Variants in MYO1E observed in about 807,000 individuals in gnomAD.
MYO1E encodes the protein myosin IE.
MYO1E carries 68 observed loss-of-function variants against 151.1 expected under a neutral mutation model. The ratio of observed to expected loss-of-function variants is 0.45; its 90% CI spans 0.37 to 0.55. The LOEUF (loss-of-function observed/expected upper bound fraction) is 0.55, where lower values mean the gene tolerates loss of function less well. Ranked by LOEUF, MYO1E falls within the 20% of genes least tolerant of loss-of-function variation. The pLI, the probability that MYO1E is intolerant of heterozygous loss-of-function variation, is 0.00. For missense variants in MYO1E, 1,363 were observed against 1,389.3 expected, an observed-to-expected ratio of 0.98 and a Z score of 0.30; for synonymous variants, 601 against 501.7, an observed-to-expected ratio of 1.20 and a Z score of -2.64.
chr15:59,336,479 T>G (rs1257002100), intron 1 of MYO1E, among the ~76,000 whole-genome samples: 1 of 152,204 alleles, frequency 6.6e-6, no homozygotes, highest in African/African-American at 2.4e-5. Flanking sequence ...CATAAGTAAC[T>G]TTTATTTTTA....
chr15:59,164,115 G>T (rs148212795), intron 22 of MYO1E, among the ~76,000 whole-genome samples: 1 of 152,194 alleles, frequency 6.6e-6, no homozygotes, highest in Non-Finnish European at 1.5e-5. Flanking sequence ...ACGCTTGCTG[G>T]TCAGGGGAGG....
chr15:59,361,294 T>C (rs147530885), intron 1 of MYO1E, among the ~76,000 whole-genome samples: 1 of 152,348 alleles, frequency 6.6e-6, no homozygotes, highest in East Asian at 1.9e-4. Context: ...ACATTTATTA[T>C]TTAAGTTACT....
intron 4 of MYO1E, among the ~76,000 whole-genome samples, chr15:59,237,330 C>A (rs75655494): frequency 0.033 from 4,954 of 152,230 alleles, 89 homozygotes; most frequent in African/African-American, 0.044. Flanking sequence ...TAAAATTAAA[C>A]CTTGAAGCAA....
chr15:59,231,737 C>A lies in MYO1E; in HGVS notation c.475G>T (p.Ala159Ser). ...SNPLLEAFGNAKTVRNNNSSR... is the reference protein window; with the variant it reads ...SNPLLEAFGNSKTVRNNNSSR... ...GAGTTGTTGTTCCGGACGGTCTTGG[C>A]GTTCCCGAAGGCCTCCAGCAGCGGG... is the stretch of plus-strand genomic sequence containing the variant. Residue 159 changes from alanine to serine, a missense_variant, in exon 6 of 28, where the codon GCC becomes TCC. Physicochemically the swap from Ala to Ser is moderately conservative, Grantham distance 99. Transcript: ENST00000288235. The A allele has an allele frequency of 6.2e-7, 1 of 1,614,122 alleles. No individual in the cohort carries two copies. Among genetic ancestry groups the A allele is most frequent in the Non-Finnish European group, 8.5e-7 (1 of 1,180,000 alleles).
chr15:59,251,167 T>C (rs80328352), intron 4 of MYO1E, among the ~76,000 whole-genome samples: 2,513 of 152,276 alleles, frequency 0.017, 61 homozygotes, highest in African/African-American at 0.057. Flanking sequence ...AACAGAAGCA[T>C]TTCCTATTAA....
At chr15:59,217,797 G>A in intron 10 of MYO1E, 94 bp downstream of exon 10, 1 of 1,404,688 alleles carries the variant, frequency 7.1e-7, no homozygotes, top group East Asian at 2.3e-5. Context: ...CAAAGTACTG[G>A]GATTACAGGT....
chr15:59,216,666 GTATATATA>G (rs368761394), intron 10 of MYO1E, among the ~76,000 whole-genome samples: 399 of 30,896 alleles, frequency 0.013, 39 homozygotes, highest in African/African-American at 0.04. Context: ...GTGTGTATGT[GTATATATA>G]TATATATATA....
rs2080956589 is a variant in MYO1E, at chr15:59,372,786, C to A, written c.-286G>T. The A allele has an allele frequency of 1.9e-6, 1 of 521,356 alleles. No homozygotes were observed. Among genetic ancestry groups the A allele is most frequent in the South Asian group, 2.6e-5 (1 of 38,450 alleles). 32.3% of individuals were successfully genotyped at this position (521,356 alleles called of 1,614,324 possible). On this transcript the variant is annotated 5_prime_UTR_variant, in exon 1 of 28. Coordinates refer to ENST00000288235, the MANE Select transcript of MYO1E (RefSeq NM_004998.4). ...CCGGTCGCCGCCGGCCCAGGTGAGT[C>A]CGATGCGCTCGGAGCGTCCGCCTCG...
At position 59,132,505 on chromosome 15, in the gene MYO1E, C is replaced by T. The variant is rs1264299178; in HGVS notation, c.*4875G>A. 6.6e-6 allele frequency: 1 copy of T among 151,966 alleles called. No individual in the cohort carries two copies. Among genetic ancestry groups the T allele is most frequent in the Non-Finnish European group, 1.5e-5 (1 of 68,004 alleles). The allele number at this position is 151,966 out of a possible 1,614,324, so 9.4% of individuals were successfully genotyped here. A position where few individuals can be genotyped will look rare whatever the true frequency, so the allele number is the denominator to read the frequency against. ...GACTTAGGAAATTCTTCCAGGATGT[C>T]ATAAAAAAAGACCTTTAAGATACTT... On this transcript the variant is annotated 3_prime_UTR_variant, in exon 28 of 28. Coordinates refer to ENST00000288235, the MANE Select transcript of MYO1E (RefSeq NM_004998.4).
At chr15:59,232,219 A>C (rs1411767020) in intron 5 of MYO1E, among the ~76,000 whole-genome samples, 1 of 152,230 alleles carries the variant, frequency 6.6e-6, no homozygotes, top group Non-Finnish European at 1.5e-5. Context: ...CTTCACTGCA[A>C]GTTACCTTAA....
intron 1 of MYO1E, among the ~76,000 whole-genome samples, chr15:59,324,009 A>G (rs1320993027): frequency 6.6e-6 from 1 of 151,980 alleles, no homozygotes; most frequent in Non-Finnish European, 1.5e-5. Flanking sequence ...GGAATCCTCG[A>G]GAGAGCTGAG....
Position 59,136,904 on chromosome 15 carries a change from CAGAGGGCGGG to C in MYO1E, c.*466_*475del. ...GCCTGCTCACGCTAAGCCCAGTCTG[CAGAGGGCGGG>C]TCCTCCCTGAAGGAAGGTGGCAGAG... On this transcript the variant is annotated 3_prime_UTR_variant, in exon 28 of 28. Coordinates refer to ENST00000288235, the MANE Select transcript of MYO1E (RefSeq NM_004998.4). 2 of 385,906 alleles carry C rather than the reference CAGAGGGCGGG, an allele frequency of 5.2e-6. No homozygotes were observed. The highest frequency in any genetic ancestry group is 6.2e-5 in the Admixed American group (2 of 32,302). The allele number at this position is 385,906 out of a possible 1,614,324, so 23.9% of individuals were successfully genotyped here. A position where few individuals can be genotyped will look rare whatever the true frequency, so the allele number is the denominator to read the frequency against.
rs1491073271 is a variant in MYO1E at position 59,191,370 on chromosome 15, A to AGAGAGAG, written c.1806-3155_1806-3154insCTCTCTC. 1.8e-3 allele frequency among the ~76,000 whole-genome samples: 217 copies of AGAGAGAG among 123,316 alleles called. 3 individuals are homozygous for AGAGAGAG. Among genetic ancestry groups the AGAGAGAG allele is most frequent in the East Asian group, 5.9e-3 (28 of 4,768 alleles). The allele number at this position is 123,316 out of a possible 152,430, so 80.9% of individuals were successfully genotyped here. A position where few individuals can be genotyped will look rare whatever the true frequency, so the allele number is the denominator to read the frequency against. ...AGAGAGAGAGAGAGAGAGAGAGAGA[A>AGAGAGAG]AGAAATGTCATGTCAATTAAAAAGG... On this transcript the variant is annotated intron_variant, in intron 17 of 27. Transcript: ENST00000288235.
chr15:59,151,471 T>C (rs1596342945), intron 26 of MYO1E, among the ~76,000 whole-genome samples: 2 of 152,112 alleles, frequency 1.3e-5, no homozygotes, highest in South Asian at 4.1e-4. Context: ...ACTAAGGTGC[T>C]TTCATATTTG....
At chr15:59,214,554 GT>G in intron 11 of MYO1E, 85 bp downstream of exon 11, 1 of 1,242,398 alleles carries the variant, frequency 8.0e-7, no homozygotes, top group Non-Finnish European at 1.2e-6. Context: ...CTGTTTTTTT[GT>G]TTTTGCATTG....
chr15:59,279,400 C>G (rs1373745032), intron 1 of MYO1E, among the ~76,000 whole-genome samples: 2 of 152,276 alleles, frequency 1.3e-5, no homozygotes, highest in South Asian at 4.1e-4. Flanking sequence ...AATGATAAAG[C>G]TGGAGGAAGG....
At chr15:59,219,977 G>A (rs1005449030) in intron 9 of MYO1E, among the ~76,000 whole-genome samples, 9 of 152,170 alleles carry the variant, frequency 5.9e-5, no homozygotes, top group South Asian at 2.1e-4. Context: ...ACAGAGTAAG[G>A]ACAGATGACA....
intron 2 of MYO1E, among the ~76,000 whole-genome samples, chr15:59,261,935 C>G (rs1257600299): frequency 6.6e-6 from 1 of 152,150 alleles, no homozygotes; most frequent in African/African-American, 2.4e-5. Context: ...GGCGTGATGG[C>G]TCATGCCTGT....
intron 9 of MYO1E, 121 bp downstream of exon 9, chr15:59,222,938 T>C: frequency 6.9e-7 from 1 of 1,452,110 alleles, no homozygotes; most frequent in South Asian, 1.2e-5. Context: ...ACAGAGGACA[T>C]GTAGATTTAT....
Sources: gnomAD v4.1 joint callset for allele counts (sites outside exome capture counted in the v4.1 genomes callset) on GRCh38, gnomAD v4.1.1 for gene constraint, MANE v1.5 for transcripts, NCBI Gene and HGNC (gene_info 2026-07-23, HGNC 2026-07-21) for gene names.